Variants in UST observed in about 807,000 individuals in gnomAD.
The protein encoded by UST is chondroitin sulfate 2-O-sulfotransferase.
Under a neutral mutation model 45.6 loss-of-function variants are expected in UST, and 21 were observed. The ratio of observed to expected loss-of-function variants is 0.46; its 90% CI spans 0.33 to 0.66. The LOEUF (loss-of-function observed/expected upper bound fraction) is 0.66. Among genes scored for constraint, UST ranks in the 30% least tolerant of loss-of-function variants. The pLI is 0.02. For missense variants in UST, 463 were observed against 512.4 expected (o/e 0.90, Z 0.93); for synonymous variants, 215 against 200.6 (o/e 1.07, Z -0.61).
At chr6:148,881,034 A>AT (rs1360870359) in intron 1 of UST, among the ~76,000 whole-genome samples, 1 of 152,126 alleles carries the variant, frequency 6.6e-6, no homozygotes, top group African/African-American at 2.4e-5. Flanking sequence ...GTCTAAAAAA[A>AT]AAAAAAAAAA....
chr6:148,842,308 C>T (rs2114774500), intron 1 of UST, among the ~76,000 whole-genome samples: 1 of 152,288 alleles, frequency 6.6e-6, no homozygotes, highest in Middle Eastern at 3.4e-3. Context: ...GCTTTCCAAC[C>T]CATCCTTTCT....
At position 148,886,726 on chromosome 6, in the gene UST, C is replaced by T. The variant is rs540337278; in HGVS notation, c.248-260C>T. On this transcript the variant is annotated intron_variant, in intron 1 of 7. Coordinates refer to ENST00000367463, the MANE Select transcript of UST (RefSeq NM_005715.3). ...CAGATAATGGGTGAGAATAATGGTG[C>T]GTGTTACTGTGTGTGTTATGTATGT... Among the ~76,000 whole-genome samples the T allele has an allele frequency of 1.6e-3, 251 of 152,132 alleles. 1 individual carries two copies. The highest frequency in any genetic ancestry group is 3.4e-3 in the Middle Eastern group (1 of 292).
At chr6:148,817,896 T>C (rs1465394554) in intron 1 of UST, among the ~76,000 whole-genome samples, 1 of 152,172 alleles carries the variant, frequency 6.6e-6, no homozygotes, top group Non-Finnish European at 1.5e-5. Flanking sequence ...TGGGGGACCT[T>C]AGGATTTTAT....
Position 148,813,445 on chromosome 6 carries a change from G to A in UST, c.247+65768G>A, listed in dbSNP as rs556943363. On this transcript the variant is annotated intron_variant, in intron 1 of 7. Coordinates refer to ENST00000367463, the MANE Select transcript of UST (RefSeq NM_005715.3). Reference sequence around the variant, plus strand: ...TGCCCAGGCTGGAGTGCAGTGGCACGATCTCAGCTCACCGCAACCTCCACC... The same window carrying A: ...TGCCCAGGCTGGAGTGCAGTGGCACAATCTCAGCTCACCGCAACCTCCACC... Among the ~76,000 whole-genome samples, 84 of 151,446 alleles carry A rather than the reference G, an allele frequency of 5.5e-4. 3 individuals are homozygous for A. In the South Asian group the frequency reaches 0.01, roughly 19 times the overall value.
At chr6:148,990,759 A>G (rs932398320) in intron 5 of UST, among the ~76,000 whole-genome samples, 1 of 152,196 alleles carries the variant, frequency 6.6e-6, no homozygotes, top group Non-Finnish European at 1.5e-5. Flanking sequence ...ACTTTAAATC[A>G]TGAGACTAGC....
intron 7 of UST, among the ~76,000 whole-genome samples, chr6:149,064,840 A>G (rs973678242): frequency 1.3e-5 from 2 of 152,048 alleles, no homozygotes; most frequent in African/African-American, 4.8e-5. Context: ...AAAGCCAGAA[A>G]TCCAGCTTTC....
intron 1 of UST, among the ~76,000 whole-genome samples, chr6:148,801,502 T>G (rs996667879): frequency 2.0e-5 from 3 of 152,190 alleles, no homozygotes; most frequent in African/African-American, 4.8e-5. Flanking sequence ...TCTTTCTTTC[T>G]TTTTCTACCC....
intron 1 of UST, among the ~76,000 whole-genome samples, chr6:148,876,091 A>G (rs1032929429): frequency 6.6e-5 from 10 of 152,198 alleles, no homozygotes; most frequent in African/African-American, 2.4e-4. Flanking sequence ...TACAGAAAGT[A>G]TGGTGCTGGC....
chr6:148,802,559 T>C (rs947325502), intron 1 of UST, among the ~76,000 whole-genome samples: 1 of 152,224 alleles, frequency 6.6e-6, no homozygotes, highest in Non-Finnish European at 1.5e-5. Context: ...AAGTCACACA[T>C]TGATTTCATT....
intron 5 of UST, among the ~76,000 whole-genome samples, chr6:148,985,444 T>C (rs1441505308): frequency 6.6e-6 from 1 of 151,916 alleles, no homozygotes; most frequent in East Asian, 1.9e-4. Flanking sequence ...GAGTACAATA[T>C]AGAGGTGTGG....
At chr6:148,890,670 T>A (rs1779000560) in intron 2 of UST, among the ~76,000 whole-genome samples, 1 of 152,170 alleles carries the variant, frequency 6.6e-6, no homozygotes, top group South Asian at 2.1e-4. Context: ...CCCGTCCTCA[T>A]TCTGTCCAAT....
rs149349536 is a variant in UST, at chr6:148,927,122, T to C, written c.292-14157T>C. ...GTTGTCCTTACGTCCCCGTTATGTATTGAGCTAAGTACAGTTGCAAAGAGA... is the reference window on the plus strand; with the variant it reads ...GTTGTCCTTACGTCCCCGTTATGTACTGAGCTAAGTACAGTTGCAAAGAGA... On this transcript the variant is annotated intron_variant, in intron 2 of 7. Coordinates refer to ENST00000367463, the MANE Select transcript of UST (RefSeq NM_005715.3). Among the ~76,000 whole-genome samples, 639 of 151,750 alleles carry C rather than the reference T, an allele frequency of 4.2e-3. 3 individuals carry two copies. The highest frequency in any genetic ancestry group is 0.015 in the African/African-American group (600 of 41,338).
intron 7 of UST, among the ~76,000 whole-genome samples, chr6:149,031,694 T>G (rs1312561035): frequency 6.6e-6 from 1 of 152,228 alleles, no homozygotes; most frequent in Non-Finnish European, 1.5e-5. Context: ...CTCTGAAAAC[T>G]AATATTTAAA....
chr6:148,853,150 C>T (rs974029360), intron 1 of UST, among the ~76,000 whole-genome samples: 1 of 152,130 alleles, frequency 6.6e-6, no homozygotes, highest in Non-Finnish European at 1.5e-5. Flanking sequence ...ATTCCCCTCC[C>T]TGTGTCCACG....
chr6:148,913,957 G>A (rs1779531132), intron 2 of UST, among the ~76,000 whole-genome samples: 1 of 152,176 alleles, frequency 6.6e-6, no homozygotes, highest in Non-Finnish European at 1.5e-5. Context: ...ATATGTTGAA[G>A]TCTAATCCCC....
chr6:149,027,770 C>A (rs1193499860), intron 7 of UST: 1 of 152,122 alleles, frequency 6.6e-6, no homozygotes, highest in Non-Finnish European at 1.5e-5. Flanking sequence ...TCATAACACA[C>A]ACACACACAC....
chr6:148,764,803 C>A (rs1022472172), intron 1 of UST, among the ~76,000 whole-genome samples: 3 of 152,166 alleles, frequency 2.0e-5, no homozygotes, highest in African/African-American at 7.2e-5. Context: ...CACTAATGAA[C>A]TTCCATGTCC....
intron 5 of UST, among the ~76,000 whole-genome samples, chr6:149,016,333 G>A (rs549477952): frequency 4.4e-4 from 67 of 152,236 alleles, no homozygotes; most frequent in Non-Finnish European, 6.6e-4. Context: ...TGCCTCCTCC[G>A]CCCTCCCCTC....
At chr6:149,038,158 C>A (rs1173936491) in intron 7 of UST, among the ~76,000 whole-genome samples, 1 of 152,016 alleles carries the variant, frequency 6.6e-6, no homozygotes, top group Non-Finnish European at 1.5e-5. Flanking sequence ...CTTAGACTTA[C>A]ATTGGTTCAC....
Sources: gnomAD v4.1 joint callset for allele counts (sites outside exome capture counted in the v4.1 genomes callset) on GRCh38, gnomAD v4.1.1 for gene constraint, MANE v1.5 for transcripts, NCBI Gene and HGNC (gene_info 2026-07-23, HGNC 2026-07-21) for gene names.